Variants in ENPP2 observed in about 807,000 individuals in gnomAD.
ENPP2 encodes the protein autotaxin.
In ENPP2, 51 loss-of-function variants were observed where a neutral mutation model predicts 120.2. The observed-to-expected ratio is 0.42, with a 90% CI of 0.34 to 0.54. The LOEUF (loss-of-function observed/expected upper bound fraction) is 0.54. Ranked by LOEUF, ENPP2 falls within the 20% of genes least tolerant of loss-of-function variation. ENPP2 has a pLI of 0.04. For missense variants in ENPP2, 920 were observed against 1,066.5 expected, an observed-to-expected ratio of 0.86 and a Z score of 1.91; for synonymous variants, 365 against 366.4, an observed-to-expected ratio of 1.00 and a Z score of 0.04.
chr8:119,645,089 G>C (rs114396857), intron 1 of ENPP2, among the ~76,000 whole-genome samples: 32 of 152,248 alleles, frequency 2.1e-4, no homozygotes, highest in African/African-American at 7.7e-4. Context: ...CACATAGGCA[G>C]GCTACAAACT....
At chr8:119,589,076 A>ATG (rs2130410489) in intron 13 of ENPP2, among the ~76,000 whole-genome samples, 1 of 152,314 alleles carries the variant, frequency 6.6e-6, no homozygotes, top group South Asian at 2.1e-4. Context: ...GTGTATGTGT[A>ATG]TGTGTGTGTG....
chr8:119,595,883 C>T (rs201799245), intron 11 of ENPP2: 1 of 1,614,052 alleles, frequency 6.2e-7, no homozygotes, highest in Non-Finnish European at 8.5e-7. Context: ...AATGATCCAT[C>T]CTATGTATTT....
chr8:119,651,012 A>G (rs1371319699), intron 1 of ENPP2, among the ~76,000 whole-genome samples: 1 of 152,032 alleles, frequency 6.6e-6, no homozygotes, highest in Non-Finnish European at 1.5e-5. Context: ...TTAATGTCAG[A>G]TAGATCAAGG....
intron 5 of ENPP2, among the ~76,000 whole-genome samples, chr8:119,617,962 A>G (rs1815591095): frequency 6.6e-6 from 1 of 152,182 alleles, no homozygotes; most frequent in Non-Finnish European, 1.5e-5. Flanking sequence ...AAAAAATATA[A>G]TAAAATAAAA....
At chr8:119,581,070 A>C (rs1257346677) in intron 18 of ENPP2, 1 of 152,108 alleles carries the variant, frequency 6.6e-6, no homozygotes, top group Non-Finnish European at 1.5e-5. Context: ...GTTGAAGACC[A>C]GCCTGGCCAA....
intron 2 of ENPP2, 97 bp downstream of exon 2, chr8:119,638,328 G>T: frequency 1.5e-6 from 1 of 673,426 alleles, no homozygotes; most frequent in Non-Finnish European, 2.6e-6. Context: ...TATACTGCAA[G>T]ATTGTATTAA....
intron 24 of ENPP2, among the ~76,000 whole-genome samples, chr8:119,558,880 C>A (rs1563659288): frequency 6.6e-6 from 1 of 152,128 alleles, no homozygotes; most frequent in Admixed American, 6.6e-5. Flanking sequence ...GTGAACTATC[C>A]ACCAAAGCCC....
chr8:119,582,346 G>A (rs1812805756), intron 18 of ENPP2, 72 bp downstream of exon 18: 2 of 1,196,612 alleles, frequency 1.7e-6, no homozygotes, highest in Admixed American at 1.9e-5. Context: ...CATTGTCACA[G>A]AAAGTTCTAT....
intron 22 of ENPP2, among the ~76,000 whole-genome samples, chr8:119,567,097 C>G (rs528182248): frequency 4.1e-4 from 62 of 152,306 alleles, no homozygotes; most frequent in African/African-American, 1.4e-3. Flanking sequence ...AGTTACATAA[C>G]ACAGCCTGAA....
At chr8:119,604,736 C>A (rs932874729) in intron 9 of ENPP2, among the ~76,000 whole-genome samples, 2 of 152,008 alleles carry the variant, frequency 1.3e-5, no homozygotes, top group African/African-American at 4.8e-5. Context: ...CTCTGTGTAC[C>A]AAATACCCTA....
intron 15 of ENPP2, among the ~76,000 whole-genome samples, chr8:119,585,680 G>A (rs1484325634): frequency 2.0e-5 from 3 of 152,122 alleles, no homozygotes; most frequent in African/African-American, 7.2e-5. Flanking sequence ...CAACATTGGA[G>A]AGTGTTTTGT....
Position 119,636,494 on chromosome 8 carries a change from A to G in ENPP2, c.136+1931T>C, listed in dbSNP as rs1431964410. 2.0e-5 allele frequency among the ~76,000 whole-genome samples: 3 copies of G among 152,220 alleles called. No homozygotes were observed. In the East Asian group the frequency reaches 5.8e-4, roughly 29 times the overall value. On this transcript the variant is annotated intron_variant, in intron 2 of 24. Transcript: ENST00000075322. ...TTAGAAGTTTAATAAATTATTTTAG[A>G]TGATATCATAAAGGCCTAAAATAAC...
chr8:119,659,936 T>C (rs1817874586), intron 1 of ENPP2, among the ~76,000 whole-genome samples: 7 of 152,170 alleles, frequency 4.6e-5, no homozygotes, highest in Admixed American at 4.6e-4. Flanking sequence ...AGGTTCAGGG[T>C]CCAGCAATCA....
intron 1 of ENPP2, among the ~76,000 whole-genome samples, chr8:119,666,393 A>C (rs11992737): frequency 0.32 from 47,928 of 151,942 alleles, 8,021 homozygotes; most frequent in East Asian, 0.55. Flanking sequence ...TACTCCTAGG[A>C]GATGATAATT....
intron 19 of ENPP2, among the ~76,000 whole-genome samples, chr8:119,576,863 G>A (rs1012273528): frequency 4.1e-4 from 63 of 152,246 alleles, no homozygotes; most frequent in African/African-American, 1.4e-3. Context: ...AAATATTAAA[G>A]TTTAGCAAGC....
chr8:119,583,756 G>A lies in ENPP2; in HGVS notation c.1504C>T (p.Pro502Ser), dbSNP rs1301585403. 6.2e-7 allele frequency: 1 copy of A among 1,601,360 alleles called. No homozygotes were observed. Among genetic ancestry groups the A allele is most frequent in the African/African-American group, 1.3e-5 (1 of 74,706 alleles). ...GSTFKYKTKV[P>S]PFENIELYNV... ...TAAAGTTCAATGTTTTCAAATGGAG[G>A]CACTTTAGTCTTGTACTTAAATGTT... Residue 502 changes from proline to serine, a missense_variant, in exon 17 of 25, where the codon CCT becomes TCT. Coordinates refer to ENST00000075322, the MANE Select transcript of ENPP2 (RefSeq NM_001040092.3).
At chr8:119,629,755 A>G (rs1349177283) in intron 2 of ENPP2, among the ~76,000 whole-genome samples, 1 of 152,198 alleles carries the variant, frequency 6.6e-6, no homozygotes, top group Admixed American at 6.5e-5. Flanking sequence ...GCTGAACCAT[A>G]AGAAACCATG....
intron 1 of ENPP2, among the ~76,000 whole-genome samples, chr8:119,644,625 T>TATATATATATATAC (rs1327738777): frequency 1.9e-4 from 14 of 74,308 alleles, no homozygotes; most frequent in Non-Finnish European, 2.8e-4. Context: ...TATATATATA[T>TATATATATATATAC]ACACACACAC....
intron 1 of ENPP2, among the ~76,000 whole-genome samples, chr8:119,645,833 G>A (rs962477496): frequency 6.6e-6 from 1 of 151,302 alleles, no homozygotes. Context: ...AAAAAAAAAG[G>A]TCTTTTCATA....
Sources: gnomAD v4.1 joint callset for allele counts (sites outside exome capture counted in the v4.1 genomes callset) on GRCh38, gnomAD v4.1.1 for gene constraint, MANE v1.5 for transcripts, NCBI Gene and HGNC (gene_info 2026-07-23, HGNC 2026-07-21) for gene names.